OVOL2: variants seen among roughly 807,000 people sequenced by gnomAD.
The protein encoded by OVOL2 is transcription factor Ovo-like 2.
OVOL2 carries 13 observed loss-of-function variants against 18.1 expected under a neutral mutation model. That is an observed-to-expected ratio of 0.72 (90% CI 0.47 to 1.14). OVOL2 has a LOEUF of 1.14. Ranked by LOEUF, OVOL2 falls within the 50% of genes most tolerant of loss-of-function variation. The pLI is 0.00. For missense variants in OVOL2, 335 were observed against 383.0 expected (o/e 0.87, Z 1.05); for synonymous variants, 166 against 162.7 (o/e 1.02, Z -0.16).
In OVOL2 at chr20:18,057,891, G is replaced by T. The variant is rs2036846207; in HGVS notation, c.-257C>A. ...CGCCGGGGAAAAAGTTTCATAAGGTGGAATAGAAAAGGCACCAGGAAACTT... is the reference window on the plus strand; with the variant it reads ...CGCCGGGGAAAAAGTTTCATAAGGTTGAATAGAAAAGGCACCAGGAAACTT... On this transcript the variant is annotated 5_prime_UTR_variant, in exon 1 of 4. Transcript: ENST00000278780. This position sits in a 1 kb window ranked among gnomAD's most constrained non-coding sequence, Gnocchi z 6.3. 33 of 1,319,400 alleles carry T rather than the reference G, an allele frequency of 2.5e-5. No homozygotes were observed. Among genetic ancestry groups the T allele is most frequent in the Non-Finnish European group, 2.9e-5 (30 of 1,039,532 alleles). The allele number at this position is 1,319,400 out of a possible 1,614,324, so 81.7% of individuals were successfully genotyped here. A position where few individuals can be genotyped will look rare whatever the true frequency, so the allele number is the denominator to read the frequency against.
Position 18,056,540 on chromosome 20 carries a change from G to A in OVOL2, c.321+117C>T. 9.2e-7 allele frequency: 1 copy of A among 1,092,492 alleles called. No individual in the cohort carries two copies. 67.7% of individuals were successfully genotyped at this position (1,092,492 alleles called of 1,614,324 possible). ...GGTGCAGGAGCGGCGCGGCGGGCGC[G>A]CTCGGGGCGCGGGTGCCGGGTTGCG... On this transcript the variant is annotated intron_variant, in intron 2 of 3. Coordinates refer to ENST00000278780, the MANE Select transcript of OVOL2 (RefSeq NM_021220.4). The surrounding 1 kb of genome is among the most constrained non-coding windows in gnomAD (Gnocchi z 4.2).
chr20:18,029,078 G>A (rs1840532595), intron 3 of OVOL2, among the ~76,000 whole-genome samples: 1 of 152,074 alleles, frequency 6.6e-6, no homozygotes, highest in South Asian at 2.1e-4. Flanking sequence ...CCAGGCTGCA[G>A]TGCAGTGGCA....
At chr20:18,026,170 T>C (rs772276789) in intron 3 of OVOL2, among the ~76,000 whole-genome samples, 7 of 152,212 alleles carry the variant, frequency 4.6e-5, no homozygotes. Flanking sequence ...ACCTCCATGA[T>C]TGGTACTCAC....
rs1272638113 is a variant in OVOL2 at position 18,045,280 on chromosome 20, T to TA, written c.322-3558dup. ...AGTGTGCACAAGCACATTTGAGTGGTAGTGAGGGGCTAATGAAATAGAACA... is the reference window on the plus strand; with the variant it reads ...AGTGTGCACAAGCACATTTGAGTGGTAAGTGAGGGGCTAATGAAATAGAACA... On this transcript the variant is annotated intron_variant, in intron 2 of 3. Coordinates refer to ENST00000278780, the MANE Select transcript of OVOL2 (RefSeq NM_021220.4). Among the ~76,000 whole-genome samples, 5 of 152,184 alleles carry TA rather than the reference T, an allele frequency of 3.3e-5. No individual in the cohort carries two copies. In the East Asian group the frequency reaches 9.6e-4, roughly 29 times the overall value.
At chr20:18,036,667 G>A (rs2036617564) in intron 3 of OVOL2, among the ~76,000 whole-genome samples, 1 of 148,740 alleles carries the variant, frequency 6.7e-6, no homozygotes. Flanking sequence ...AAGGGGTACA[G>A]GCACCCCCTT....
chr20:18,037,009 G>C (rs1485615567), intron 3 of OVOL2, among the ~76,000 whole-genome samples: 1 of 151,790 alleles, frequency 6.6e-6, no homozygotes, highest in South Asian at 2.1e-4. Context: ...GGTAGCGGGC[G>C]CCTGTAGTCC....
At chr20:18,029,674 C>A (rs1392459853) in intron 3 of OVOL2, among the ~76,000 whole-genome samples, 1 of 152,088 alleles carries the variant, frequency 6.6e-6, no homozygotes, top group Non-Finnish European at 1.5e-5. Flanking sequence ...GAATCTCCCA[C>A]CTTTTCTCTT....
At chr20:18,042,883 C>T (rs2122712135) in intron 2 of OVOL2, among the ~76,000 whole-genome samples, 1 of 152,040 alleles carries the variant, frequency 6.6e-6, no homozygotes, top group East Asian at 1.9e-4. Context: ...GTGGAAGCTT[C>T]CTGAGGGCCT....
intron 3 of OVOL2, among the ~76,000 whole-genome samples, chr20:18,032,727 A>T (rs2036582963): frequency 1.3e-5 from 2 of 152,070 alleles, no homozygotes; most frequent in Admixed American, 1.3e-4. Context: ...GGCCGGTCTC[A>T]AACTCCTGAC....
At chr20:18,037,998 A>T (rs1392485998) in intron 3 of OVOL2, among the ~76,000 whole-genome samples, 1 of 152,212 alleles carries the variant, frequency 6.6e-6, no homozygotes, top group Non-Finnish European at 1.5e-5. Context: ...TGCTGTAGAA[A>T]GCTTGCTCAT....
chr20:18,025,929 C>CAGAG (rs917575075), intron 3 of OVOL2, among the ~76,000 whole-genome samples: 3 of 152,264 alleles, frequency 2.0e-5, no homozygotes, highest in African/African-American at 7.2e-5. Flanking sequence ...ACCCCTCAGG[C>CAGAG]AGAGGTGCAG....
chr20:18,034,099 A>G (rs1019983453), intron 3 of OVOL2, among the ~76,000 whole-genome samples: 4 of 152,010 alleles, frequency 2.6e-5, no homozygotes, highest in African/African-American at 9.7e-5. Flanking sequence ...AAGTCCCTCA[A>G]TTATATAGTG....
chr20:18,025,153 A>AAAACAAACAAAC (rs528401680), intron 3 of OVOL2, among the ~76,000 whole-genome samples: 3 of 152,160 alleles, frequency 2.0e-5, no homozygotes, highest in Admixed American at 6.5e-5. Context: ...GCCAACATAG[A>AAAACAAACAAAC]AAACAAACAA....
intron 3 of OVOL2, among the ~76,000 whole-genome samples, chr20:18,040,064 A>G (rs2036655175): frequency 6.6e-6 from 1 of 152,134 alleles, no homozygotes; most frequent in Non-Finnish European, 1.5e-5. Flanking sequence ...AGCTAGGACT[A>G]TAGGCACGCA....
chr20:18,025,776 AGT>A (rs2036508264), intron 3 of OVOL2, among the ~76,000 whole-genome samples: 3 of 152,232 alleles, frequency 2.0e-5, no homozygotes, highest in Non-Finnish European at 4.4e-5. Flanking sequence ...GCAGGGAGAC[AGT>A]GTGGCACACA....
intron 3 of OVOL2, among the ~76,000 whole-genome samples, chr20:18,032,867 A>G (rs1193075936): frequency 2.0e-5 from 3 of 152,218 alleles, no homozygotes; most frequent in Admixed American, 1.3e-4. Flanking sequence ...AAAAAATTAA[A>G]TGGTGGAACT....
intron 2 of OVOL2, among the ~76,000 whole-genome samples, chr20:18,044,163 G>A (rs1376922118): frequency 6.6e-6 from 1 of 152,094 alleles, no homozygotes; most frequent in Non-Finnish European, 1.5e-5. Flanking sequence ...TAAAATGCAG[G>A]TTCTGATTCA....
intron 3 of OVOL2, among the ~76,000 whole-genome samples, chr20:18,032,053 G>A (rs2036574907): frequency 6.6e-6 from 1 of 151,976 alleles, no homozygotes; most frequent in African/African-American, 2.4e-5. Flanking sequence ...AGGCAATTTG[G>A]CAATGGCCAT....
At chr20:18,039,993 T>C (rs544254609) in intron 3 of OVOL2, among the ~76,000 whole-genome samples, 1 of 152,226 alleles carries the variant, frequency 6.6e-6, no homozygotes, top group South Asian at 2.1e-4. Context: ...GGCACAATCA[T>C]AGCTCACTGC....
Sources: allele counts gnomAD v4.1 joint callset (sites outside exome capture counted in the v4.1 genomes callset), GRCh38; gene constraint gnomAD v4.1.1; non-coding constraint Gnocchi (gnomAD v3.1); transcripts MANE v1.5; gene names NCBI Gene and HGNC (gene_info 2026-07-23, HGNC 2026-07-21).